The following LMO7 variants were observed in gnomAD, a reference collection of about 807,000 sequenced individuals.
LMO7 encodes the protein LIM domain only protein 7.
Under a neutral mutation model 206.5 loss-of-function variants are expected in LMO7, and 120 were observed. That is an observed-to-expected ratio of 0.58 (90% confidence interval 0.50 to 0.68). The LOEUF is 0.68. Ranked by LOEUF, LMO7 falls within the 30% of genes least tolerant of loss-of-function variation. LMO7 has a pLI of 0.00. For missense variants in LMO7, 1,959 were observed against 1,957.9 expected (o/e 1.00, Z -0.01); for synonymous variants, 706 against 681.5 (o/e 1.04, Z -0.56).
chr13:75,661,678 C>G (rs2038617848), intron 1 of LMO7, among the ~76,000 whole-genome samples: 1 of 152,214 alleles, frequency 6.6e-6, no homozygotes, highest in African/African-American at 2.4e-5. Context: ...TGGAAAATGT[C>G]CCCTGCGCCA....
intron 26 of LMO7, among the ~76,000 whole-genome samples, chr13:75,847,389 G>C (rs931400306): frequency 3.9e-5 from 6 of 152,142 alleles, no homozygotes; most frequent in Admixed American, 3.9e-4. Flanking sequence ...TCAAATTATA[G>C]TTCTGTCAGC....
chr13:75,692,548 G>A (rs1376192779), intron 1 of LMO7, among the ~76,000 whole-genome samples: 2 of 151,958 alleles, frequency 1.3e-5, no homozygotes, highest in Admixed American at 6.6e-5. Flanking sequence ...ACCATGCCTG[G>A]CTCATCTTTT....
chr13:75,688,576 G>T (rs933478769), intron 1 of LMO7: 2 of 152,328 alleles, frequency 1.3e-5, no homozygotes, highest in African/African-American at 4.8e-5. Context: ...GTTGTTTTTG[G>T]TTTCCCATCT....
chr13:75,715,210 A>G (rs1255618328), intron 2 of LMO7, among the ~76,000 whole-genome samples: 1 of 152,212 alleles, frequency 6.6e-6, no homozygotes, highest in Non-Finnish European at 1.5e-5. Flanking sequence ...GAATGATGAG[A>G]AGTGATTTCC....
intron 15 of LMO7, among the ~76,000 whole-genome samples, chr13:75,829,336 A>G (rs2058431365): frequency 6.6e-6 from 1 of 152,100 alleles, no homozygotes; most frequent in Admixed American, 6.6e-5. Flanking sequence ...CTCAAGATGT[A>G]TTTGGTAGGT....
intron 1 of LMO7, among the ~76,000 whole-genome samples, chr13:75,690,064 T>A (rs75671016): frequency 7.0e-6 from 1 of 143,482 alleles, no homozygotes; most frequent in African/African-American, 2.6e-5. Context: ...TGAGCCCTCC[T>A]TTTTTTTTTT....
At chr13:75,712,374 GTTC>G (rs2043192075) in intron 1 of LMO7, among the ~76,000 whole-genome samples, 1 of 152,148 alleles carries the variant, frequency 6.6e-6, no homozygotes, top group Non-Finnish European at 1.5e-5. Context: ...CCCAGGGGTT[GTTC>G]TTAGGGCAGC....
At chr13:75,699,892 G>T (rs565051788) in intron 1 of LMO7, among the ~76,000 whole-genome samples, 2 of 152,204 alleles carry the variant, frequency 1.3e-5, no homozygotes, top group Admixed American at 1.3e-4. Context: ...AGACCAGGGC[G>T]TATTTTATCC....
intron 1 of LMO7, among the ~76,000 whole-genome samples, chr13:75,649,846 G>C (rs1220052813): frequency 6.6e-6 from 1 of 152,164 alleles, no homozygotes; most frequent in South Asian, 2.1e-4. Context: ...GATGTACACT[G>C]CTCTGTTTTA....
intron 3 of LMO7, among the ~76,000 whole-genome samples, chr13:75,756,702 G>C (rs1202166958): frequency 6.6e-6 from 1 of 152,132 alleles, no homozygotes; most frequent in Non-Finnish European, 1.5e-5. Context: ...GGGAGTGTGG[G>C]AGCAGGTAAC....
At position 75,639,048 on chromosome 13, in the gene LMO7, G is replaced by T. The variant is rs139254326; in HGVS notation, c.69+2322G>T. On this transcript the variant is annotated intron_variant, in intron 1 of 30. Transcript: ENST00000377534. Reference sequence around the variant, plus strand: ...TTCTATCTGTATTACATATATATTCGCAACTGCAGCTTTGAATACCCCAAA... The same window carrying T: ...TTCTATCTGTATTACATATATATTCTCAACTGCAGCTTTGAATACCCCAAA... 1.8e-3 allele frequency among the ~76,000 whole-genome samples: 271 copies of T among 151,764 alleles called. 2 individuals are homozygous for T. Among genetic ancestry groups the T allele is most frequent in the African/African-American group, 6.4e-3 (263 of 41,372 alleles).
At chr13:75,815,615 T>G (rs907541154) in intron 11 of LMO7, among the ~76,000 whole-genome samples, 1 of 152,168 alleles carries the variant, frequency 6.6e-6, no homozygotes, top group Non-Finnish European at 1.5e-5. Flanking sequence ...ATTTAAGAAG[T>G]TATGTATACT....
At chr13:75,643,810 C>T (rs986657475) in intron 1 of LMO7, among the ~76,000 whole-genome samples, 5 of 152,118 alleles carry the variant, frequency 3.3e-5, no homozygotes, top group Non-Finnish European at 5.9e-5. Flanking sequence ...CAGCACAGTC[C>T]CATGAACAGC....
intron 30 of LMO7, 135 bp downstream of exon 30, chr13:75,856,743 T>C: frequency 1.6e-6 from 1 of 637,752 alleles, no homozygotes; most frequent in Admixed American, 2.3e-5. Flanking sequence ...AATTGTAGTG[T>C]GTTCCCTTCA....
intron 1 of LMO7, among the ~76,000 whole-genome samples, chr13:75,652,143 T>G (rs553374918): frequency 6.6e-6 from 1 of 152,220 alleles, no homozygotes; most frequent in Admixed American, 6.5e-5. Context: ...TATAGTTTTT[T>G]TTTTCTTCCT....
intron 11 of LMO7, among the ~76,000 whole-genome samples, chr13:75,810,204 C>T (rs1029145573): frequency 6.6e-6 from 1 of 152,120 alleles, no homozygotes; most frequent in Non-Finnish European, 1.5e-5. Context: ...CTTTCTGTAA[C>T]TTTGTGAATC....
intron 1 of LMO7, among the ~76,000 whole-genome samples, chr13:75,675,352 G>T (rs1383340692): frequency 6.6e-6 from 1 of 152,044 alleles, no homozygotes; most frequent in Non-Finnish European, 1.5e-5. Context: ...GGGATTACAG[G>T]CATGAGCCAC....
In LMO7 at chr13:75,821,360, T is replaced by A; in HGVS notation, c.2391T>A (p.Thr797=). 1.2e-6 allele frequency: 2 copies of A among 1,614,086 alleles called. No individual in the cohort carries two copies. Among genetic ancestry groups the A allele is most frequent in the South Asian group, 2.2e-5 (2 of 91,074 alleles). Residue 797 remains threonine (T), a synonymous_variant, in exon 14 of 31, where the codon ACT becomes ACA. Coordinates refer to ENST00000377534, the MANE Select transcript of LMO7 (RefSeq NM_001306080.2). ...AAATTCCCAAAGAAGATTCTACCAC[T>A]TTTGCAAAAAGAGAGGACCGTGTAA... ...PSEIPKEDST[T]FAKREDRVTT...
At chr13:75,649,104 G>T (rs2037319112) in intron 1 of LMO7, among the ~76,000 whole-genome samples, 1 of 152,238 alleles carries the variant, frequency 6.6e-6, no homozygotes, top group African/African-American at 2.4e-5. Context: ...GGGCAGGACA[G>T]TGAAGCTAGT....
Sources: gnomAD v4.1 joint callset for allele counts (sites outside exome capture counted in the v4.1 genomes callset) on GRCh38, gnomAD v4.1.1 for gene constraint, MANE v1.5 for transcripts, NCBI Gene and HGNC (gene_info 2026-07-23, HGNC 2026-07-21) for gene names.